NUBPL: variants seen among roughly 807,000 people sequenced by gnomAD.
The protein encoded by NUBPL is iron-sulfur cluster transfer protein NUBPL.
Under a neutral mutation model 45.7 loss-of-function variants are expected in NUBPL, and 31 were observed. The observed-to-expected ratio is 0.68, with a 90% CI of 0.51 to 0.92. The LOEUF is 0.92. NUBPL is among the 40% of genes least tolerant of loss of function. The pLI, the probability that NUBPL is intolerant of heterozygous loss-of-function variation, is 0.00. For synonymous variants in NUBPL, 144 were observed against 140.9 expected, an observed-to-expected ratio of 1.02 and a Z score of -0.15; for missense variants, 401 against 398.7, an observed-to-expected ratio of 1.01 and a Z score of -0.05.
intron 4 of NUBPL, among the ~76,000 whole-genome samples, chr14:31,635,187 T>TTTTA (rs1265910317): frequency 2.0e-5 from 3 of 151,738 alleles, no homozygotes; most frequent in African/African-American, 7.3e-5. Context: ...TGAATGGTAA[T>TTTTA]GCCTAGGTTT....
chr14:31,834,946 G>C (rs1404036213), intron 8 of NUBPL, among the ~76,000 whole-genome samples: 1 of 152,140 alleles, frequency 6.6e-6, no homozygotes, highest in East Asian at 1.9e-4. Flanking sequence ...ACTATCACAG[G>C]GTGACAGAAT....
At chr14:31,808,591 C>T (rs2064437339) in intron 7 of NUBPL, among the ~76,000 whole-genome samples, 1 of 152,124 alleles carries the variant, frequency 6.6e-6, no homozygotes, top group Admixed American at 6.5e-5. Flanking sequence ...TCCTCTTTTC[C>T]TAATTGAATA....
chr14:31,700,467 A>G (rs1012932396), intron 6 of NUBPL, among the ~76,000 whole-genome samples: 1 of 152,012 alleles, frequency 6.6e-6, no homozygotes, highest in Non-Finnish European at 1.5e-5. Context: ...CCTTCAGCCC[A>G]CTGCTGCACT....
At chr14:31,723,618 T>C (rs2037858652) in intron 6 of NUBPL, among the ~76,000 whole-genome samples, 1 of 152,222 alleles carries the variant, frequency 6.6e-6, no homozygotes, top group Admixed American at 6.5e-5. Context: ...ATCTCTGATT[T>C]CTTTGAGCAG....
intron 6 of NUBPL, among the ~76,000 whole-genome samples, chr14:31,765,141 A>G (rs147263085): frequency 9.2e-5 from 14 of 152,236 alleles, no homozygotes; most frequent in African/African-American, 3.1e-4. Context: ...GATATATTCA[A>G]AAAAAAGGTC....
chr14:31,626,239 ACT>A (rs1256141331), intron 4 of NUBPL, among the ~76,000 whole-genome samples: 1 of 151,288 alleles, frequency 6.6e-6, no homozygotes, highest in Non-Finnish European at 1.5e-5. Context: ...CTCACTGCAA[ACT>A]CTGCCTCCTG....
At chr14:31,821,262 G>T (rs184789396) in intron 7 of NUBPL, among the ~76,000 whole-genome samples, 4 of 152,214 alleles carry the variant, frequency 2.6e-5, no homozygotes, top group African/African-American at 9.6e-5. Flanking sequence ...ACCCGGAAAT[G>T]GGAGAAAATA....
Position 31,782,787 on chromosome 14 carries a change from AAAAC to A in NUBPL, c.514-4973_514-4970del, listed in dbSNP as rs57928445. ...GGCGACAGAGTGAGACTCCGTCTAA[AAAAC>A]AAACAAACAAACAAACAAAAATAAA... On this transcript the variant is annotated intron_variant, in intron 6 of 10. Coordinates refer to ENST00000281081, the MANE Select transcript of NUBPL (RefSeq NM_025152.3). 9.1e-3 allele frequency among the ~76,000 whole-genome samples: 1,382 copies of A among 151,548 alleles called. 22 individuals carry two copies. The highest frequency in any genetic ancestry group is 0.031 in the African/African-American group (1,282 of 41,432).
chr14:31,598,163 A>T (rs995970865), intron 3 of NUBPL, among the ~76,000 whole-genome samples: 1 of 152,094 alleles, frequency 6.6e-6, no homozygotes, highest in Admixed American at 6.6e-5. Context: ...AGTCATACAG[A>T]TATATATATG....
intron 6 of NUBPL, among the ~76,000 whole-genome samples, chr14:31,766,180 A>C (rs941149976): frequency 6.6e-6 from 1 of 152,232 alleles, no homozygotes; most frequent in Non-Finnish European, 1.5e-5. Context: ...AAGTAACACA[A>C]AATCATAGGG....
chr14:31,832,832 GT>G, intron 8 of NUBPL, among the ~76,000 whole-genome samples: 1 of 152,106 alleles, frequency 6.6e-6, no homozygotes, highest in Non-Finnish European at 1.5e-5. Context: ...CTATGCCTTA[GT>G]TTTCTCAATC....
chr14:31,731,269 G>A (rs1048068918), intron 6 of NUBPL, among the ~76,000 whole-genome samples: 2 of 152,154 alleles, frequency 1.3e-5, no homozygotes, highest in Non-Finnish European at 2.9e-5. Flanking sequence ...AATGTGGAAC[G>A]ATAAAAAGGG....
intron 7 of NUBPL, among the ~76,000 whole-genome samples, chr14:31,798,047 A>G (rs911144338): frequency 3.4e-5 from 5 of 148,586 alleles, no homozygotes; most frequent in Non-Finnish European, 2.9e-5. Flanking sequence ...TTCTTTAAGA[A>G]TGTTGAATAT....
chr14:31,611,423 A>G (rs1298385678), intron 4 of NUBPL, among the ~76,000 whole-genome samples: 3 of 152,184 alleles, frequency 2.0e-5, no homozygotes, highest in Admixed American at 1.3e-4. Flanking sequence ...ACTGAATGGG[A>G]CACACAAAAA....
chr14:31,651,110 G>A (rs1399853603), intron 4 of NUBPL, among the ~76,000 whole-genome samples: 1 of 152,186 alleles, frequency 6.6e-6, no homozygotes, highest in Non-Finnish European at 1.5e-5. Context: ...CTAAACTATA[G>A]CAGATACTGT....
chr14:31,647,601 C>G (rs79213402), intron 4 of NUBPL, among the ~76,000 whole-genome samples: 2 of 152,180 alleles, frequency 1.3e-5, no homozygotes, highest in Admixed American at 1.3e-4. Flanking sequence ...GCTGAACAGT[C>G]AGTCTGATTT....
intron 2 of NUBPL, 143 bp downstream of exon 2, chr14:31,562,358 C>G (rs932937219): frequency 1.2e-6 from 1 of 809,424 alleles, no homozygotes; most frequent in African/African-American, 1.7e-5. Context: ...GAGTTGGTAG[C>G]GGGTAGACGC....
Position 31,638,711 on chromosome 14 carries a change from C to A in NUBPL, c.383-34644C>A, listed in dbSNP as rs373956833. 4.6e-5 allele frequency among the ~76,000 whole-genome samples: 7 copies of A among 152,322 alleles called. No homozygotes were observed. The South Asian group carries it at 1.4e-3, about 32-fold the overall frequency. On this transcript the variant is annotated intron_variant, in intron 4 of 10. Coordinates refer to ENST00000281081, the MANE Select transcript of NUBPL (RefSeq NM_025152.3). Reference sequence around the variant, plus strand: ...TCCAACTTGGTTCCATTCTCCCTGTCACTTTCAGGTACACCAATCAGACGT... The same window carrying A: ...TCCAACTTGGTTCCATTCTCCCTGTAACTTTCAGGTACACCAATCAGACGT...
At chr14:31,767,404 A>C (rs941187291) in intron 6 of NUBPL, among the ~76,000 whole-genome samples, 2 of 151,836 alleles carry the variant, frequency 1.3e-5, no homozygotes, top group African/African-American at 4.8e-5. Context: ...AGGCTACTAA[A>C]CACCATCACC....
Sources: gnomAD v4.1 joint callset for allele counts (sites outside exome capture counted in the v4.1 genomes callset) on GRCh38, gnomAD v4.1.1 for gene constraint, MANE v1.5 for transcripts, NCBI Gene and HGNC (gene_info 2026-07-23, HGNC 2026-07-21) for gene names.